Variants in ZFHX3 observed in about 807,000 individuals in gnomAD.
ZFHX3 encodes the protein zinc finger homeobox protein 3.
A neutral mutation model predicts 279.1 loss-of-function variants in ZFHX3; 42 were observed. The observed-to-expected ratio is 0.15, with a 90% CI of 0.12 to 0.19. The LOEUF is 0.19. ZFHX3 is among the 10% of genes least tolerant of loss of function. The pLI is 1.00. For synonymous variants in ZFHX3, 2,293 were observed against 1,957.8 expected (o/e 1.17, Z -4.52); for missense variants, 4,981 against 4,754.0 (o/e 1.05, Z -1.40).
intron 2 of ZFHX3, among the ~76,000 whole-genome samples, chr16:73,605,315 G>T (rs1311736408): frequency 1.3e-5 from 2 of 152,126 alleles, no homozygotes; most frequent in South Asian, 4.1e-4. Flanking sequence ...AATTAAACAC[G>T]ATAAGCATTT....
intron 3 of ZFHX3, among the ~76,000 whole-genome samples, chr16:73,363,224 A>G (rs973222320): frequency 2.0e-5 from 3 of 152,240 alleles, no homozygotes; most frequent in Non-Finnish European, 4.4e-5. Context: ...CAGCAGAAGA[A>G]CAACTCGGAG....
chr16:73,077,049 C>T (rs2144761694), intron 8 of ZFHX3, among the ~76,000 whole-genome samples: 1 of 152,134 alleles, frequency 6.6e-6, no homozygotes, highest in Middle Eastern at 3.4e-3. Context: ...TAACTATTCC[C>T]CTCCTTTGGG....
chr16:73,311,669 T>C (rs1040971456), intron 4 of ZFHX3, among the ~76,000 whole-genome samples: 5 of 152,090 alleles, frequency 3.3e-5, no homozygotes, highest in Non-Finnish European at 7.3e-5. Flanking sequence ...AAAATGTTTG[T>C]TCTCTTCTTT....
chr16:73,360,786 A>T (rs1217197600), intron 3 of ZFHX3, among the ~76,000 whole-genome samples: 2 of 152,192 alleles, frequency 1.3e-5, no homozygotes, highest in Non-Finnish European at 2.9e-5. Flanking sequence ...TGTTGATAGG[A>T]GACCTAGAAG....
chr16:73,544,379 A>T (rs922255979), intron 2 of ZFHX3, among the ~76,000 whole-genome samples: 2 of 152,086 alleles, frequency 1.3e-5, no homozygotes, highest in African/African-American at 4.8e-5. Context: ...TTCATTAGTC[A>T]CGTTTAAAAG....
intron 2 of ZFHX3, among the ~76,000 whole-genome samples, chr16:73,523,549 A>C (rs2019642217): frequency 6.7e-6 from 1 of 150,146 alleles, no homozygotes; most frequent in Non-Finnish European, 1.5e-5. Context: ...ATGGCCCCTC[A>C]CCCTGGATCC....
intron 3 of ZFHX3, among the ~76,000 whole-genome samples, chr16:72,931,404 TACACACACACACACAC>T (rs59696404): frequency 1.7e-3 from 207 of 120,158 alleles, no homozygotes; most frequent in African/African-American, 3.8e-3. Context: ...TTTATTTCAT[TACACACACACACACAC>T]ACACACACAC....
Position 72,787,911 on chromosome 16 carries a change from G to T in ZFHX3, c.10365C>A (p.Pro3455=), listed in dbSNP as rs370543300. 4.3e-6 allele frequency: 7 copies of T among 1,614,092 alleles called. No homozygotes were observed. The highest frequency in any genetic ancestry group is 5.9e-6 in the Non-Finnish European group (7 of 1,180,006). ...ESKSADSLYD[P]FIVPKVQYKL... is the part of the protein sequence containing the mutation. ...TGTACTGCACCTTTGGAACAATGAA[G>T]GGGTCGTAGAGGGAGTCCGCACTTT... is the stretch of plus-strand genomic sequence containing the variant. The change falls in exon 10 of 10, where the codon CCC becomes CCA. Residue 3455 remains proline, a synonymous_variant. Coordinates refer to ENST00000268489, the MANE Select transcript of ZFHX3 (RefSeq NM_006885.4).
At chr16:73,260,412 A>G (rs1352339803) in intron 4 of ZFHX3, among the ~76,000 whole-genome samples, 1 of 152,138 alleles carries the variant, frequency 6.6e-6, no homozygotes, top group Non-Finnish European at 1.5e-5. Flanking sequence ...TTAATGAGTT[A>G]TACTGTGCTA....
rs190584468 is a variant in ZFHX3 at position 73,869,880 on chromosome 16, T to A, written c.-1608+21771A>T. On this transcript the variant is annotated intron_variant, in intron 1 of 17. Transcript: ENST00000641206. ...TTACAGACAGAGATTAAGTCTCTTA[T>A]ATGTGGAATCTTGGGGCCCCAGGAC... is the stretch of plus-strand genomic sequence containing the variant. Among the ~76,000 whole-genome samples the A allele has an allele frequency of 2.0e-5, 3 of 152,352 alleles. No individual in the cohort carries two copies. In the South Asian group the frequency reaches 6.2e-4, roughly 32 times the overall value.
At chr16:73,742,172 A>G (rs539133620) in intron 1 of ZFHX3, among the ~76,000 whole-genome samples, 1 of 152,220 alleles carries the variant, frequency 6.6e-6, no homozygotes, top group Non-Finnish European at 1.5e-5. Flanking sequence ...TTCTAAGACC[A>G]TCTTTACACT....
At chr16:73,321,343 G>A (rs1007969888) in intron 3 of ZFHX3, among the ~76,000 whole-genome samples, 7 of 152,130 alleles carry the variant, frequency 4.6e-5, no homozygotes, top group African/African-American at 1.7e-4. Flanking sequence ...TGACCTCTCT[G>A]AGCCCCAGTT....
intron 4 of ZFHX3, among the ~76,000 whole-genome samples, chr16:72,832,268 T>C (rs540541567): frequency 6.6e-6 from 1 of 152,190 alleles, no homozygotes; most frequent in Admixed American, 6.5e-5. Context: ...ACAAATCTGT[T>C]GAGAAACTAG....
chr16:73,725,158 C>T (rs1387620205), intron 1 of ZFHX3, among the ~76,000 whole-genome samples: 1 of 152,196 alleles, frequency 6.6e-6, no homozygotes, highest in Non-Finnish European at 1.5e-5. Context: ...ATCAAATTTA[C>T]AGCAATACAT....
At chr16:73,359,517 G>C (rs1443913491) in intron 3 of ZFHX3, among the ~76,000 whole-genome samples, 1 of 152,210 alleles carries the variant, frequency 6.6e-6, no homozygotes, top group Non-Finnish European at 1.5e-5. Context: ...GGAGAGTTTA[G>C]AGGCGGAAGA....
At chr16:73,430,875 G>A (rs564610618) in intron 3 of ZFHX3, among the ~76,000 whole-genome samples, 4 of 152,290 alleles carry the variant, frequency 2.6e-5, no homozygotes, top group South Asian at 2.1e-4. Flanking sequence ...GGGATGTTGC[G>A]CTAATTACCT....
chr16:73,647,680 A>G (rs555572641), intron 2 of ZFHX3, among the ~76,000 whole-genome samples: 123 of 152,304 alleles, frequency 8.1e-4, no homozygotes, highest in Non-Finnish European at 1.5e-3. Flanking sequence ...AAACTGTATC[A>G]TAGTTTAGAA....
intron 1 of ZFHX3, among the ~76,000 whole-genome samples, chr16:73,054,609 T>C (rs1965512915): frequency 6.6e-6 from 1 of 151,888 alleles, no homozygotes; most frequent in Admixed American, 6.6e-5. Flanking sequence ...GAAGAGACAA[T>C]ACAGGGGAAG....
intron 3 of ZFHX3, among the ~76,000 whole-genome samples, chr16:73,451,025 C>T (rs1240634237): frequency 6.6e-6 from 1 of 152,134 alleles, no homozygotes; most frequent in Non-Finnish European, 1.5e-5. Context: ...AGAAGCAAGA[C>T]ACTGGTAGGC....
Sources: allele counts gnomAD v4.1 joint callset (sites outside exome capture counted in the v4.1 genomes callset), GRCh38; gene constraint gnomAD v4.1.1; transcripts MANE v1.5; gene names NCBI Gene and HGNC (gene_info 2026-07-23, HGNC 2026-07-21).